HDAC9: variants seen among roughly 807,000 people sequenced by gnomAD.
The protein encoded by HDAC9 is histone deacetylase 9, also known as MEF-2 interacting transcription repressor (MITR) protein.
In HDAC9, 41 loss-of-function variants were observed where a neutral mutation model predicts 139.4. That is an observed-to-expected ratio of 0.29 (90% CI 0.23 to 0.38). The LOEUF (loss-of-function observed/expected upper bound fraction) is 0.38. HDAC9 is among the 10% of genes least tolerant of loss of function. HDAC9 has a pLI of 1.00. For synonymous variants in HDAC9, 517 were observed against 476.2 expected (o/e 1.09, Z -1.12); for missense variants, 1,147 against 1,297.0 (o/e 0.88, Z 1.78).
At chr7:18,219,767 T>A (rs1203514108) in intron 2 of HDAC9, among the ~76,000 whole-genome samples, 3 of 152,228 alleles carry the variant, frequency 2.0e-5, no homozygotes, top group Non-Finnish European at 4.4e-5. Context: ...AAACTTTATT[T>A]TGGTTTTTGA....
chr7:18,216,144 G>GAC (rs1562758018), intron 2 of HDAC9, among the ~76,000 whole-genome samples: 2 of 151,824 alleles, frequency 1.3e-5, no homozygotes, highest in Admixed American at 6.6e-5. Flanking sequence ...GAGAGAGAGA[G>GAC]AGAGACAGAG....
At chr7:18,396,828 C>G (rs1228021540) in intron 1 of HDAC9, among the ~76,000 whole-genome samples, 2 of 152,096 alleles carry the variant, frequency 1.3e-5, no homozygotes, top group Non-Finnish European at 2.9e-5. Context: ...TTCCTTGTTG[C>G]CGATTTTGAT....
Position 18,525,758 on chromosome 7 carries a change from C to G in HDAC9, c.22+29434C>G, listed in dbSNP as rs113319670. Among the ~76,000 whole-genome samples the G allele has an allele frequency of 7.2e-3, 1,093 of 152,242 alleles. 11 individuals carry two copies. The highest frequency in any genetic ancestry group is 0.025 in the African/African-American group (1,032 of 41,552). The stretch of plus-strand genomic sequence containing the variant: ...GCCTGTACAACTAAGTCTAGTCTTT[C>G]AGAACAGAATAGGATGCTGTATATC... On this transcript the variant is annotated intron_variant, in intron 2 of 25. Coordinates refer to ENST00000686413, the MANE Select transcript of HDAC9 (RefSeq NM_178425.4).
At chr7:18,821,137 A>G (rs12699991) in intron 17 of HDAC9, among the ~76,000 whole-genome samples, 61,021 of 152,106 alleles carry the variant, frequency 0.4, 12,427 homozygotes, top group Middle Eastern at 0.44. Flanking sequence ...GGGCAAGCCC[A>G]CCAAAGGCTG....
At chr7:18,786,740 G>GCTTT (rs137942671) in intron 16 of HDAC9, among the ~76,000 whole-genome samples, 2,363 of 129,592 alleles carry the variant, frequency 0.018, 289 homozygotes, top group African/African-American at 0.075. Flanking sequence ...CTTGAGTCTA[G>GCTTT]CTTTCTTTCC....
intron 2 of HDAC9, among the ~76,000 whole-genome samples, chr7:18,536,861 T>C (rs911226905): frequency 4.6e-5 from 7 of 152,200 alleles, no homozygotes. Context: ...GTTACTACTC[T>C]TTTGGAAGAT....
chr7:18,931,489 T>C (rs1804739144), intron 22 of HDAC9, among the ~76,000 whole-genome samples: 1 of 152,184 alleles, frequency 6.6e-6, no homozygotes, highest in Non-Finnish European at 1.5e-5. Flanking sequence ...AATTGTAAAG[T>C]GACTAATTTG....
At chr7:18,289,776 C>A (rs1306081678), upstream of HDAC9, among the ~76,000 whole-genome samples, 1 of 152,106 alleles carries the variant, frequency 6.6e-6, no homozygotes, top group East Asian at 1.9e-4. Flanking sequence ...TCATTAAAAT[C>A]GGTCTCAGCC....
At chr7:18,884,518 G>A (rs755846505) in intron 22 of HDAC9, among the ~76,000 whole-genome samples, 6 of 152,074 alleles carry the variant, frequency 3.9e-5, no homozygotes, top group Non-Finnish European at 8.8e-5. Context: ...TTAGACCCTC[G>A]TCTTATACCA....
intron 2 of HDAC9, among the ~76,000 whole-genome samples, chr7:18,198,561 C>T (rs544975897): frequency 6.6e-6 from 1 of 152,114 alleles, no homozygotes; most frequent in Non-Finnish European, 1.5e-5. Context: ...TCACAATATC[C>T]ATTTTTAATT....
chr7:18,860,790 A>G (rs965418102), intron 21 of HDAC9, among the ~76,000 whole-genome samples: 3 of 152,170 alleles, frequency 2.0e-5, no homozygotes, highest in African/African-American at 4.8e-5. Flanking sequence ...CACTGGAACT[A>G]TAAGGAAGGG....
chr7:18,601,194 T>C (rs1016291590), intron 6 of HDAC9, among the ~76,000 whole-genome samples: 3 of 152,224 alleles, frequency 2.0e-5, no homozygotes, highest in Non-Finnish European at 2.9e-5. Context: ...CTACATAATT[T>C]GTTTGATTTA....
upstream of HDAC9, among the ~76,000 whole-genome samples, chr7:18,494,675 A>G (rs1796645102): frequency 6.6e-6 from 1 of 152,058 alleles, no homozygotes; most frequent in African/African-American, 2.4e-5. Context: ...GCTGAACGCC[A>G]CAATGTGTCT....
At chr7:18,605,662 C>T (rs1391133726) in intron 6 of HDAC9, among the ~76,000 whole-genome samples, 2 of 152,024 alleles carry the variant, frequency 1.3e-5, no homozygotes, top group African/African-American at 4.8e-5. Context: ...TCTTCTGAGA[C>T]TGGGCCCCTG....
At chr7:18,150,632 G>A (rs9638749) in intron 1 of HDAC9, among the ~76,000 whole-genome samples, 29,542 of 152,086 alleles carry the variant, frequency 0.19, 3,034 homozygotes, top group South Asian at 0.33. Flanking sequence ...TCCCAAAAGG[G>A]ACCCTTACTT....
chr7:18,258,976 T>G (rs1056040825), intron 2 of HDAC9, among the ~76,000 whole-genome samples: 1 of 66,642 alleles, frequency 1.5e-5, no homozygotes, highest in Admixed American at 1.3e-4. Flanking sequence ...TTTTTTTTTT[T>G]TTTTTTTTTT....
rs71014326 is a variant in HDAC9 at position 18,411,817 on chromosome 7, C to CTTTTT, written c.-41-84425_-41-84421dup. On this transcript the variant is annotated intron_variant, in intron 1 of 3. Transcript: ENST00000413509. Reference sequence around the variant, plus strand: ...GTGTACTAAATGTAATTTCAACTTGCTTTTTTTTTTTTTTTTTTTTTTTTA... The same window carrying CTTTTT: ...GTGTACTAAATGTAATTTCAACTTGCTTTTTTTTTTTTTTTTTTTTTTTTTTTTTA... Among the ~76,000 whole-genome samples the CTTTTT allele has an allele frequency of 6.1e-3, 542 of 88,854 alleles. 1 individual carries two copies. The highest frequency in any genetic ancestry group is 8.0e-3 in the East Asian group (20 of 2,508). The allele number at this position is 88,854 out of a possible 152,430, so 58.3% of individuals were successfully genotyped here.
At chr7:18,470,280 T>C (rs1794623675) in intron 1 of HDAC9, among the ~76,000 whole-genome samples, 1 of 151,650 alleles carries the variant, frequency 6.6e-6, no homozygotes. Flanking sequence ...ACCACTGTAC[T>C]CCAACCTGGG....
At chr7:18,507,254 G>C (rs554798614) in intron 2 of HDAC9, among the ~76,000 whole-genome samples, 1 of 149,770 alleles carries the variant, frequency 6.7e-6, no homozygotes, top group Non-Finnish European at 1.5e-5. Context: ...GCAGTGGCGC[G>C]ATCTCGGCTC....
Sources: gnomAD v4.1 joint callset for allele counts (sites outside exome capture counted in the v4.1 genomes callset) on GRCh38, gnomAD v4.1.1 for gene constraint, MANE v1.5 for transcripts, NCBI Gene and HGNC (gene_info 2026-07-23, HGNC 2026-07-21) for gene names.